Variants in MRPL34 observed in about 807,000 individuals in gnomAD.
MRPL34 encodes large ribosomal subunit protein bL34m.
Under a neutral mutation model 6.7 loss-of-function variants are expected in MRPL34, and 8 were observed. That is an observed-to-expected ratio of 1.20 (90% CI 0.70 to 2.16). The LOEUF is 2.16. Among genes scored for constraint, MRPL34 ranks in the 30% most tolerant of loss-of-function variants. The probability of loss-of-function intolerance (pLI) is 0.00; values close to 1 mark genes in which losing one functional copy is unlikely to be tolerated. For synonymous variants in MRPL34, 59 were observed against 55.1 expected (o/e 1.07, Z -0.31); for missense variants, 146 against 125.5 (o/e 1.16, Z -0.78).
upstream of MRPL34, among the ~76,000 whole-genome samples, chr19:17,303,859 G>A (rs1488858663): frequency 6.6e-6 from 1 of 152,192 alleles, no homozygotes; most frequent in Non-Finnish European, 1.5e-5. Context: ...GGCTCATAAA[G>A]GGCACAAGAG....
chr19:17,294,852 G>A (rs766323396), intron 1 of MRPL34: 5 of 1,612,100 alleles, frequency 3.1e-6, no homozygotes, highest in East Asian at 2.2e-5. Flanking sequence ...GACACTGCCC[G>A]GAACGGGTGG....
chr19:17,294,216 G>A (rs534779612), intron 1 of MRPL34: 4 of 1,525,814 alleles, frequency 2.6e-6, no homozygotes, highest in African/African-American at 1.4e-5. Flanking sequence ...CACGCCCCCC[G>A]CAGAGGCCAC....
intron 1 of MRPL34, chr19:17,294,563 C>A (rs531189672): frequency 1.2e-6 from 2 of 1,609,290 alleles, no homozygotes; most frequent in South Asian, 2.2e-5. Context: ...CCGTGGGGTG[C>A]CCCCGATGCC....
intron 1 of MRPL34, among the ~76,000 whole-genome samples, chr19:17,293,612 T>C (rs1416987933): frequency 6.6e-6 from 1 of 151,906 alleles, no homozygotes. Context: ...AATGTCTCCA[T>C]GCATTTCCAC....
upstream of MRPL34, chr19:17,301,223 C>G: frequency 6.3e-7 from 1 of 1,594,138 alleles, no homozygotes; most frequent in Non-Finnish European, 8.5e-7. Context: ...CTGCCGGGGG[C>G]CAAGCGGCCA....
At chr19:17,299,112 G>A (rs1041495667), upstream of MRPL34, among the ~76,000 whole-genome samples, 2 of 151,968 alleles carry the variant, frequency 1.3e-5, no homozygotes, top group African/African-American at 4.8e-5. Context: ...GATTACATAT[G>A]CTAATGGGAG....
At chr19:17,298,984 T>C (rs375312149), upstream of MRPL34, among the ~76,000 whole-genome samples, 1 of 152,152 alleles carries the variant, frequency 6.6e-6, no homozygotes, top group Non-Finnish European at 1.5e-5. Flanking sequence ...TCAAGTGATC[T>C]GCCTGCTTTG....
upstream of MRPL34, chr19:17,301,018 C>T: frequency 2.5e-6 from 4 of 1,613,504 alleles, no homozygotes; most frequent in Non-Finnish European, 3.4e-6. Flanking sequence ...ATAGCCTAGG[C>T]GCACAAAGAA....
chr19:17,299,430 G>A (rs574478012), upstream of MRPL34, among the ~76,000 whole-genome samples: 8 of 151,842 alleles, frequency 5.3e-5, no homozygotes, highest in South Asian at 8.3e-4. Flanking sequence ...GCATGGTAGC[G>A]GGTGCCTGTA....
chr19:17,305,812 C>A, upstream of MRPL34: 1 of 1,405,718 alleles, frequency 7.1e-7, no homozygotes, highest in Non-Finnish European at 1.0e-6. Context: ...ACTACATTTC[C>A]CATAATCCTT....
chr19:17,303,273 C>T (rs919466194), upstream of MRPL34: 2 of 152,284 alleles, frequency 1.3e-5, no homozygotes, highest in Non-Finnish European at 2.9e-5. Flanking sequence ...CGGGTCGGGG[C>T]GGAGGGGTCC....
At chr19:17,305,999 G>A in intron 1 of MRPL34, 42 bp downstream of exon 1, 2 of 1,609,818 alleles carry the variant, frequency 1.2e-6, no homozygotes, top group Non-Finnish European at 1.7e-6. Flanking sequence ...AGGGAATAAG[G>A]GCGGCTTCGG....
At chr19:17,304,568 C>G (rs2074136984), upstream of MRPL34, among the ~76,000 whole-genome samples, 1 of 152,204 alleles carries the variant, frequency 6.6e-6, no homozygotes, top group African/African-American at 2.4e-5. Context: ...GCTGCCAGAG[C>G]TGGATTCCGT....
rs2074085195 is a variant in MRPL34, at chr19:17,294,559, G to A, written c.214+1705G>A. On this transcript the variant is annotated intron_variant, in intron 1 of 2. Transcript: ENST00000595444. The stretch of plus-strand genomic sequence containing the variant: ...CCTTATGCCAGCCCGACTGCCGTGG[G>A]GTGCCCCCGATGCCAGCCCTAGTCC... 4.1e-5 allele frequency: 66 copies of A among 1,611,004 alleles called. 1 individual carries two copies. In the South Asian group the frequency reaches 7.2e-4, roughly 17 times the overall value.
upstream of MRPL34, chr19:17,305,808 T>C: frequency 7.2e-7 from 1 of 1,391,326 alleles, no homozygotes; most frequent in East Asian, 2.3e-5. Context: ...AGAAACTACA[T>C]TTCCCATAAT....
upstream of MRPL34, among the ~76,000 whole-genome samples, chr19:17,299,560 C>CAAAAAAA (rs567760409): frequency 2.5e-4 from 13 of 51,498 alleles, no homozygotes; most frequent in Non-Finnish European, 3.6e-4. Flanking sequence ...GACTCCATCT[C>CAAAAAAA]AAAAAAAAAA....
chr19:17,292,935 G>A, intron 1 of MRPL34: 1 of 1,296,874 alleles, frequency 7.7e-7, no homozygotes, highest in South Asian at 1.5e-5. Flanking sequence ...GCATCCAAAA[G>A]TCCCTCCTCC....
At chr19:17,301,632 T>A, upstream of MRPL34, 1 of 1,526,722 alleles carries the variant, frequency 6.5e-7, no homozygotes, top group Non-Finnish European at 8.8e-7. Context: ...GTCCTGTGAG[T>A]GAGGACAGCA....
At chr19:17,295,385 G>T (rs774067241) in intron 1 of MRPL34, among the ~76,000 whole-genome samples, 86 of 152,162 alleles carry the variant, frequency 5.7e-4, no homozygotes, top group Non-Finnish European at 1.0e-3. Flanking sequence ...GGGATTACAG[G>T]CCTGAGCCAC....
Sources: gnomAD v4.1 joint callset for allele counts (sites outside exome capture counted in the v4.1 genomes callset) on GRCh38, gnomAD v4.1.1 for gene constraint, MANE v1.5 for transcripts, NCBI Gene and HGNC (gene_info 2026-07-23, HGNC 2026-07-21) for gene names.